The following PRDM6 variants were observed in gnomAD, a reference collection of about 807,000 sequenced individuals.
PRDM6 encodes the protein PR/SET domain 6.
PRDM6 carries 25 observed loss-of-function variants against 60.8 expected under a neutral mutation model. The observed-to-expected ratio is 0.41, with a 90% CI of 0.30 to 0.57. The LOEUF (loss-of-function observed/expected upper bound fraction) is 0.57, where lower values mean the gene tolerates loss of function less well. PRDM6 is among the 20% of genes least tolerant of loss of function. PRDM6 has a pLI of 0.27. For missense variants in PRDM6, 839 were observed against 821.3 expected (o/e 1.02, Z -0.26); for synonymous variants, 407 against 357.4 (o/e 1.14, Z -1.57).
Position 123,191,287 on chromosome 5 carries a change from A to G in PRDM6, c.*4086A>G, listed in dbSNP as rs182175187. On this transcript the variant is annotated 3_prime_UTR_variant, in exon 8 of 8. Transcript: ENST00000407847. ...TTTAAAATTTAAAATGCAAGTATCT[A>G]TTGAGTTGTTTAAAATGGGAATCAT... 1.3e-5 allele frequency: 2 copies of G among 152,276 alleles called. No homozygotes were observed. The highest frequency in any genetic ancestry group is 6.5e-5 in the Admixed American group (1 of 15,302). The allele number at this position is 152,276 out of a possible 1,614,324, so 9.4% of individuals were successfully genotyped here.
chr5:123,138,130 C>G (rs1039348052), intron 3 of PRDM6, among the ~76,000 whole-genome samples: 1 of 152,084 alleles, frequency 6.6e-6, no homozygotes, highest in Non-Finnish European at 1.5e-5. Context: ...ATTTCTTGCC[C>G]AAAGAAAAGA....
chr5:123,136,868 TGG>T (rs1457071090), intron 3 of PRDM6, among the ~76,000 whole-genome samples: 32 of 148,554 alleles, frequency 2.2e-4, no homozygotes, highest in Non-Finnish European at 4.0e-4. Flanking sequence ...GCAATGTGCA[TGG>T]GAACCTTAGC....
At chr5:123,123,153 A>T (rs1469645517) in intron 3 of PRDM6, among the ~76,000 whole-genome samples, 1 of 152,180 alleles carries the variant, frequency 6.6e-6, no homozygotes. Flanking sequence ...ATAGGGTGAG[A>T]GTATTTGCTT....
chr5:123,168,109 G>C, intron 5 of PRDM6, among the ~76,000 whole-genome samples: 1 of 152,118 alleles, frequency 6.6e-6, no homozygotes, highest in East Asian at 1.9e-4. Flanking sequence ...GTAACAATCT[G>C]TGTGCCATAA....
At chr5:123,092,121 CT>C (rs1763854773) in intron 2 of PRDM6, among the ~76,000 whole-genome samples, 1 of 152,188 alleles carries the variant, frequency 6.6e-6, no homozygotes. Context: ...TCTAATTTTG[CT>C]GTGCAGTTGA....
intron 3 of PRDM6, among the ~76,000 whole-genome samples, chr5:123,135,818 T>C (rs1764939290): frequency 6.6e-6 from 1 of 152,316 alleles, no homozygotes; most frequent in African/African-American, 2.4e-5. Context: ...CCCCTCCCCA[T>C]ATTTATCCAT....
intron 3 of PRDM6, among the ~76,000 whole-genome samples, chr5:123,106,314 G>A (rs1307127973): frequency 6.6e-6 from 1 of 152,196 alleles, no homozygotes; most frequent in Non-Finnish European, 1.5e-5. Context: ...GGGAGCATAA[G>A]GGTTGGGACA....
intron 3 of PRDM6, among the ~76,000 whole-genome samples, chr5:123,109,073 A>G (rs1385291470): frequency 1.3e-5 from 2 of 152,176 alleles, no homozygotes; most frequent in African/African-American, 4.8e-5. Context: ...ATATCTTCAT[A>G]TATTTTATAG....
At chr5:123,139,642 C>T (rs1405115890) in intron 3 of PRDM6, among the ~76,000 whole-genome samples, 1 of 152,136 alleles carries the variant, frequency 6.6e-6, no homozygotes, top group Non-Finnish European at 1.5e-5. Flanking sequence ...AGGTGTCACT[C>T]ACTGTGTGTG....
At chr5:123,132,846 T>C (rs993640350) in intron 3 of PRDM6, among the ~76,000 whole-genome samples, 2 of 152,144 alleles carry the variant, frequency 1.3e-5, no homozygotes, top group Non-Finnish European at 2.9e-5. Context: ...TATTAGCTTT[T>C]TGATGTTTTT....
At chr5:123,150,568 G>A (rs762128588) in intron 3 of PRDM6, among the ~76,000 whole-genome samples, 1 of 152,182 alleles carries the variant, frequency 6.6e-6, no homozygotes, top group African/African-American at 2.4e-5. Flanking sequence ...ACACGCAGAG[G>A]AATTGTGTAG....
intron 3 of PRDM6, among the ~76,000 whole-genome samples, chr5:123,119,852 A>AT (rs1233714074): frequency 6.6e-6 from 1 of 152,142 alleles, no homozygotes. Flanking sequence ...AAGTAGACGC[A>AT]TTTTTTAAAT....
At chr5:123,129,604 C>T (rs1006876793) in intron 3 of PRDM6, among the ~76,000 whole-genome samples, 1 of 152,130 alleles carries the variant, frequency 6.6e-6, no homozygotes, top group African/African-American at 2.4e-5. Flanking sequence ...TAACAAATAA[C>T]ATCTTCAAAT....
chr5:123,109,357 A>G (rs767413218), intron 3 of PRDM6, among the ~76,000 whole-genome samples: 1 of 152,140 alleles, frequency 6.6e-6, no homozygotes, highest in Non-Finnish European at 1.5e-5. Flanking sequence ...TTACAGAGAA[A>G]ATATTGATGA....
chr5:123,158,436 A>G (rs1765556088), intron 4 of PRDM6, among the ~76,000 whole-genome samples: 1 of 152,200 alleles, frequency 6.6e-6, no homozygotes, highest in Admixed American at 6.5e-5. Flanking sequence ...TGTTGGGAAA[A>G]ACATTCTGCT....
At position 123,145,087 on chromosome 5, in the gene PRDM6, A is replaced by G. The variant is rs335174; in HGVS notation, c.901-10797A>G. Among the ~76,000 whole-genome samples, 489 of 152,290 alleles carry G rather than the reference A, an allele frequency of 3.2e-3. 3 individuals carry two copies. The highest frequency in any genetic ancestry group is 5.5e-3 in the Non-Finnish European group (372 of 68,026). On this transcript the variant is annotated intron_variant, in intron 3 of 7. Transcript: ENST00000407847. ...TTATCCTTGCCCTCATTGAGGTTAT[A>G]TCCTTGCATGCTTGTTTAATGCTGC...
chr5:123,142,877 C>CAAAAAAAAAAAAAAAAAAAAAAAAAAAAA lies in PRDM6; in HGVS notation c.901-12982_901-12981insAAAAAAAAAAAAAAAAAAAAAAAAAAAAA. Among the ~76,000 whole-genome samples the CAAAAAAAAAAAAAAAAAAAAAAAAAAAAA allele has an allele frequency of 2.6e-4, 7 of 27,368 alleles. 1 individual carries two copies. Among genetic ancestry groups the CAAAAAAAAAAAAAAAAAAAAAAAAAAAAA allele is most frequent in the Admixed American group, 4.7e-4 (1 of 2,138 alleles). 18.0% of individuals were successfully genotyped at this position (27,368 alleles called of 152,430 possible). ...TTCAAAATGAAAGCACAGTGAAGAC[C>CAAAAAAAAAAAAAAAAAAAAAAAAAAAAA]AAAAAAAAAAAAAAAAAAAAAAAAA... On this transcript the variant is annotated intron_variant, in intron 3 of 7. Transcript: ENST00000407847.
intron 2 of PRDM6, among the ~76,000 whole-genome samples, chr5:123,090,979 G>A (rs1485196802): frequency 6.6e-6 from 1 of 152,198 alleles, no homozygotes; most frequent in Non-Finnish European, 1.5e-5. Context: ...GACAGGGGGT[G>A]TCTGGGTCAG....
chr5:123,125,241 CTTTGTGTTCCTA>C (rs1764670127), intron 3 of PRDM6, among the ~76,000 whole-genome samples: 1 of 151,792 alleles, frequency 6.6e-6, no homozygotes, highest in African/African-American at 2.4e-5. Flanking sequence ...TGTGGGTTCC[CTTTGTGTTCCTA>C]ACTCAGCTGG....
Sources: gnomAD v4.1 joint callset for allele counts (sites outside exome capture counted in the v4.1 genomes callset) on GRCh38, gnomAD v4.1.1 for gene constraint, MANE v1.5 for transcripts, NCBI Gene and HGNC (gene_info 2026-07-23, HGNC 2026-07-21) for gene names.